Variants in FBXO34 observed in about 807,000 individuals in gnomAD.
The protein encoded by FBXO34 is F-box only protein 34.
FBXO34 carries 12 observed loss-of-function variants against 24.5 expected under a neutral mutation model. The ratio of observed to expected loss-of-function variants is 0.49; its 90% CI spans 0.31 to 0.79. The LOEUF (loss-of-function observed/expected upper bound fraction) is 0.79, where lower values mean the gene tolerates loss of function less well. Ranked by LOEUF, FBXO34 falls within the 30% of genes least tolerant of loss-of-function variation. The pLI, the probability that FBXO34 is intolerant of heterozygous loss-of-function variation, is 0.04. For synonymous variants in FBXO34, 320 were observed against 311.9 expected (o/e 1.03, Z -0.27); for missense variants, 823 against 857.7 (o/e 0.96, Z 0.51).
chr14:55,421,655 G>T, the FBXO34 span, among the ~76,000 whole-genome samples: 1 of 152,132 alleles, frequency 6.6e-6, no homozygotes, highest in Non-Finnish European at 1.5e-5. Context: ...TAGAGATGGG[G>T]TTTCACCATG....
the FBXO34 span, among the ~76,000 whole-genome samples, chr14:55,394,562 G>A: frequency 2.0e-5 from 3 of 152,206 alleles, no homozygotes; most frequent in South Asian, 2.1e-4. Context: ...TGAATAGCAT[G>A]TACACTACAG....
intron 1 of FBXO34, among the ~76,000 whole-genome samples, chr14:55,280,294 G>A (rs1256805341): frequency 6.6e-6 from 1 of 152,034 alleles, no homozygotes; most frequent in East Asian, 1.9e-4. Flanking sequence ...TCTATCTGTG[G>A]GTTTATCATC....
intron 1 of FBXO34, among the ~76,000 whole-genome samples, chr14:55,331,601 TAAAA>T (rs1322385240): frequency 2.9e-5 from 4 of 136,514 alleles, no homozygotes; most frequent in Non-Finnish European, 4.7e-5. Context: ...TGTATATATA[TAAAA>T]AAATATAAAA....
At chr14:55,303,211 GA>G (rs1882425000) in intron 1 of FBXO34, among the ~76,000 whole-genome samples, 1 of 151,786 alleles carries the variant, frequency 6.6e-6, no homozygotes, top group East Asian at 1.9e-4. Context: ...TGTCAGCTGT[GA>G]AAAAAGATGA....
the FBXO34 span, chr14:55,433,577 T>C: frequency 6.5e-7 from 1 of 1,529,218 alleles, no homozygotes; most frequent in Non-Finnish European, 9.0e-7. Flanking sequence ...TGCTTCCTTG[T>C]TTTACATACT....
At chr14:55,380,904 T>C in the FBXO34 span, among the ~76,000 whole-genome samples, 1 of 143,652 alleles carries the variant, frequency 7.0e-6, no homozygotes, top group South Asian at 2.2e-4. Context: ...CTGAGAGCAA[T>C]GTAACAGAGC....
At chr14:55,373,668 G>A (rs12050123), downstream of FBXO34, among the ~76,000 whole-genome samples, 44,913 of 151,670 alleles carry the variant, frequency 0.3, 7,025 homozygotes, top group Non-Finnish European at 0.33. Flanking sequence ...CATGTTGGCC[G>A]GGCTGGTCTC....
At chr14:55,295,558 C>T (rs369560409) in intron 1 of FBXO34, among the ~76,000 whole-genome samples, 3 of 151,962 alleles carry the variant, frequency 2.0e-5, no homozygotes, top group Middle Eastern at 3.2e-3. Flanking sequence ...CCATGCCCAG[C>T]TAGTTTTTTG....
the FBXO34 span, chr14:55,381,932 A>G: frequency 1.9e-6 from 3 of 1,571,652 alleles, no homozygotes; most frequent in Non-Finnish European, 2.6e-6. Context: ...CTCTCTATAT[A>G]TAGATTTCAA....
At chr14:55,339,120 A>G (rs1214187179) in intron 1 of FBXO34, among the ~76,000 whole-genome samples, 1 of 152,176 alleles carries the variant, frequency 6.6e-6, no homozygotes, top group Non-Finnish European at 1.5e-5. Context: ...AATATTTTCT[A>G]AGGACATACC....
the FBXO34 span, among the ~76,000 whole-genome samples, chr14:55,399,262 A>C: frequency 6.6e-6 from 1 of 152,264 alleles, no homozygotes; most frequent in Non-Finnish European, 1.5e-5. Flanking sequence ...GTGACTATTT[A>C]AATTTAAATT....
intron 1 of FBXO34, chr14:55,272,220 A>G (rs1323351241): frequency 6.6e-6 from 1 of 152,292 alleles, no homozygotes; most frequent in South Asian, 2.1e-4. Context: ...GCAGGGTAGA[A>G]AAAGGAAGTT....
chr14:55,296,388 TTTG>T lies in FBXO34; in HGVS notation c.-11+24854_-11+24856del, dbSNP rs1288667644. On this transcript the variant is annotated intron_variant, in intron 1 of 1. Coordinates refer to ENST00000313833, the MANE Select transcript of FBXO34 (RefSeq NM_017943.4). The stretch of plus-strand genomic sequence containing the variant: ...TAGGTTTTGCTGTTCTTGTGTTTTT[TTTG>T]TTTTTTTTTTTTTTTTTTTTTTTTG... Among the ~76,000 whole-genome samples the T allele has an allele frequency of 1.3e-3, 152 of 113,788 alleles. 1 individual carries two copies. The highest frequency in any genetic ancestry group is 3.5e-3 in the African/African-American group (111 of 31,656). The allele number at this position is 113,788 out of a possible 152,430, so 74.6% of individuals were successfully genotyped here.
At chr14:55,316,384 C>T (rs1289214891) in intron 1 of FBXO34, among the ~76,000 whole-genome samples, 1 of 150,650 alleles carries the variant, frequency 6.6e-6, no homozygotes, top group Non-Finnish European at 1.5e-5. Flanking sequence ...CTCAGGAGTT[C>T]GAGACCAGAC....
chr14:55,401,056 C>T, the FBXO34 span, among the ~76,000 whole-genome samples: 1 of 152,068 alleles, frequency 6.6e-6, no homozygotes, highest in Non-Finnish European at 1.5e-5. Flanking sequence ...CCAACAGCAC[C>T]TGTTTTCTCA....
chr14:55,331,705 G>GTGTA lies in FBXO34; in HGVS notation c.-10-18675_-10-18674insGTAT, dbSNP rs1555338529. 4.1e-4 allele frequency among the ~76,000 whole-genome samples: 11 copies of GTGTA among 26,958 alleles called. 3 individuals carry two copies. The highest frequency in any genetic ancestry group is 2.8e-3 in the South Asian group (3 of 1,082). 17.7% of individuals were successfully genotyped at this position (26,958 alleles called of 152,430 possible). On this transcript the variant is annotated intron_variant, in intron 1 of 1. Coordinates refer to ENST00000313833, the MANE Select transcript of FBXO34 (RefSeq NM_017943.4). ...TATATGTGTATATATATATATATAT[G>GTGTA]TATATATATATGTATATATATATGT...
At chr14:55,363,021 C>CTTTTT (rs774134598), downstream of FBXO34, among the ~76,000 whole-genome samples, 5 of 122,468 alleles carry the variant, frequency 4.1e-5, no homozygotes, top group African/African-American at 1.2e-4. Flanking sequence ...TTTTCTCTCT[C>CTTTTT]TCTTTTTTTT....
intron 1 of FBXO34, among the ~76,000 whole-genome samples, chr14:55,290,350 C>T (rs1339885290): frequency 6.6e-6 from 1 of 151,488 alleles, no homozygotes; most frequent in Non-Finnish European, 1.5e-5. Context: ...CGAGATCGAG[C>T]CATTGCACTC....
downstream of FBXO34, among the ~76,000 whole-genome samples, chr14:55,364,313 G>A (rs566444484): frequency 6.6e-6 from 1 of 152,128 alleles, no homozygotes; most frequent in Non-Finnish European, 1.5e-5. Flanking sequence ...CACCACCAGA[G>A]TATCTCTGGC....
Sources: gnomAD v4.1 joint callset for allele counts (sites outside exome capture counted in the v4.1 genomes callset) on GRCh38, gnomAD v4.1.1 for gene constraint, MANE v1.5 for transcripts, NCBI Gene and HGNC (gene_info 2026-07-23, HGNC 2026-07-21) for gene names.